The following CHD6 variants were observed in gnomAD, a reference collection of about 807,000 sequenced individuals.
CHD6 encodes the protein chromodomain helicase DNA binding protein 6, also known as ATP-dependent chromatin remodeler CHD6.
A neutral mutation model predicts 276.9 loss-of-function variants in CHD6; 50 were observed. That is an observed-to-expected ratio of 0.18 (90% CI 0.14 to 0.23). CHD6 has a LOEUF of 0.23. Ranked by LOEUF, CHD6 falls within the 10% of genes least tolerant of loss-of-function variation. The pLI, the probability that CHD6 is intolerant of heterozygous loss-of-function variation, is 1.00. For missense variants in CHD6, 2,564 were observed against 3,365.8 expected (o/e 0.76, Z 5.89); for synonymous variants, 1,173 against 1,229.3 (o/e 0.95, Z 0.96).
chr20:41,531,380 G>C (rs1390006097), intron 3 of CHD6, among the ~76,000 whole-genome samples: 1 of 152,094 alleles, frequency 6.6e-6, no homozygotes, highest in Non-Finnish European at 1.5e-5. Context: ...GCTCATGTCT[G>C]ATCCTCCTTC....
chr20:41,483,570 G>C, intron 15 of CHD6, 51 bp from the exon 16 acceptor site: 1 of 1,337,900 alleles, frequency 7.5e-7, no homozygotes, highest in Non-Finnish European at 1.0e-6. Flanking sequence ...TAAGGATAAA[G>C]GTTGTACTCT....
Position 41,409,253 on chromosome 20 carries a change from G to A in CHD6, c.7251+2891C>T, listed in dbSNP as rs563787818. Among the ~76,000 whole-genome samples, 8 of 152,310 alleles carry A rather than the reference G, an allele frequency of 5.3e-5. 1 individual carries two copies. The South Asian group carries it at 1.7e-3, about 32-fold the overall frequency. ...CTCCAGTCAGGTGCCCCTCCCAGCA[G>A]CGCGGCGACCACACACAGCGGCCAG... On this transcript the variant is annotated intron_variant, in intron 36 of 36. Transcript: ENST00000373233.
At position 41,535,079 on chromosome 20, in the gene CHD6, A is replaced by G. The variant is rs139395976; in HGVS notation, c.34-1509T>C. Among the ~76,000 whole-genome samples the G allele has an allele frequency of 5.3e-4, 81 of 152,256 alleles. No homozygotes were observed. The East Asian group carries it at 0.012, about 23-fold the overall frequency. ...TCACAGGTTTCTTAGGCTTTCAAAG[A>G]TAACATAAAAGATCTACTCCCACCG... On this transcript the variant is annotated intron_variant, in intron 2 of 36. Coordinates refer to ENST00000373233, the MANE Select transcript of CHD6 (RefSeq NM_032221.5).
In CHD6 at chr20:41,417,126, A is replaced by C. The variant is rs190797108; in HGVS notation, c.6279+72T>G. On this transcript the variant is annotated intron_variant, in intron 32 of 36. Transcript: ENST00000373233. ...GTTTCTTGTTCAGAACTATTTCTAA[A>C]AGGGTTAAAAAAAGCAATTCAAAGC... is the stretch of plus-strand genomic sequence containing the variant. 2.0e-5 allele frequency: 28 copies of C among 1,371,684 alleles called. No individual in the cohort carries two copies. In the African/African-American group the frequency reaches 3.8e-4, roughly 19 times the overall value. 85.0% of individuals were successfully genotyped at this position (1,371,684 alleles called of 1,614,324 possible).
intron 1 of CHD6, among the ~76,000 whole-genome samples, chr20:41,557,937 A>G (rs2045258529): frequency 6.6e-6 from 1 of 152,184 alleles, no homozygotes; most frequent in Non-Finnish European, 1.5e-5. Context: ...CACTCTAACA[A>G]CAGCAGGCAT....
At chr20:41,415,080 G>A (rs2046951966) in intron 34 of CHD6, 106 bp downstream of exon 34, 7 of 1,488,624 alleles carry the variant, frequency 4.7e-6, no homozygotes, top group Admixed American at 2.3e-5. Context: ...CAGGACAACC[G>A]AAATAGAGAT....
intron 8 of CHD6, 197 bp downstream of exon 8, chr20:41,497,187 G>A (rs2043708658): frequency 1.8e-6 from 1 of 557,612 alleles, no homozygotes; most frequent in East Asian, 3.1e-5. Flanking sequence ...AGTTTATAAG[G>A]TTTGATCCTT....
intron 27 of CHD6, among the ~76,000 whole-genome samples, chr20:41,431,957 G>A (rs1207441400): frequency 2.0e-5 from 3 of 151,788 alleles, no homozygotes; most frequent in African/African-American, 4.8e-5. Context: ...TCAGGAGTTC[G>A]AGACCAGCCT....
intron 5 of CHD6, among the ~76,000 whole-genome samples, chr20:41,499,661 T>C (rs921322007): frequency 5.3e-5 from 8 of 152,202 alleles, no homozygotes; most frequent in African/African-American, 1.7e-4. Context: ...TTTGCAAAAC[T>C]ACCTACATGT....
intron 3 of CHD6, among the ~76,000 whole-genome samples, chr20:41,523,263 T>C (rs1438804241): frequency 6.6e-6 from 1 of 152,130 alleles, no homozygotes; most frequent in African/African-American, 2.4e-5. Context: ...AAAGGCCTAA[T>C]ACTCCCACCA....
intron 31 of CHD6, among the ~76,000 whole-genome samples, chr20:41,418,094 G>A (rs1157107944): frequency 6.6e-6 from 1 of 152,174 alleles, no homozygotes; most frequent in African/African-American, 2.4e-5. Context: ...TTCTCAATGT[G>A]CAACAAGTCT....
chr20:41,441,408 C>T (rs1418035653), intron 25 of CHD6, among the ~76,000 whole-genome samples: 1 of 152,146 alleles, frequency 6.6e-6, no homozygotes, highest in Admixed American at 6.5e-5. Context: ...ACAGAAAATT[C>T]CCCAATACTC....
intron 32 of CHD6, 139 bp from the exon 33 acceptor site, chr20:41,416,933 G>C (rs742433): frequency 0.22 from 174,616 of 779,292 alleles, 25,429 homozygotes; most frequent in East Asian, 0.56. Context: ...ACTTTATAAG[G>C]CTTAAAATAA....
intron 19 of CHD6, 148 bp downstream of exon 19, chr20:41,455,652 A>G (rs1022613356): frequency 1.8e-5 from 10 of 570,136 alleles, no homozygotes; most frequent in Admixed American, 6.0e-5. Context: ...CTAAGGATCT[A>G]TATCTTTAGA....
At position 41,504,403 on chromosome 20, in the gene CHD6, CTTTTTTTTTTTTTTT is replaced by C. The variant is rs200549678; in HGVS notation, c.853-5061_853-5047del. On this transcript the variant is annotated intron_variant, in intron 5 of 36. Coordinates refer to ENST00000373233, the MANE Select transcript of CHD6 (RefSeq NM_032221.5). ...TCTTGTCCATCTTTTCCTCTATTTT[CTTTTTTTTTTTTTTT>C]TTTTTTTTAGACAGGATCTCACTCT... is the stretch of plus-strand genomic sequence containing the variant. 2.7e-5 allele frequency among the ~76,000 whole-genome samples: 3 copies of C among 109,966 alleles called. No individual in the cohort carries two copies. The East Asian group carries it at 8.2e-4, about 30-fold the overall frequency. The allele number at this position is 109,966 out of a possible 152,430, so 72.1% of individuals were successfully genotyped here.
chr20:41,480,699 TA>T (rs1189645489), intron 16 of CHD6, among the ~76,000 whole-genome samples: 1 of 152,140 alleles, frequency 6.6e-6, no homozygotes, highest in African/African-American at 2.4e-5. Context: ...ATTATTTAGA[TA>T]CAGCTATAAA....
At chr20:41,541,241 T>C (rs1286612926) in intron 2 of CHD6, among the ~76,000 whole-genome samples, 2 of 152,118 alleles carry the variant, frequency 1.3e-5, no homozygotes, top group Non-Finnish European at 2.9e-5. Context: ...CTCATAATGG[T>C]TTGATTTATG....
chr20:41,452,520 T>C lies in CHD6; in HGVS notation c.3323+220A>G, dbSNP rs2048268499. Among the ~76,000 whole-genome samples the C allele has an allele frequency of 1.3e-5, 2 of 152,166 alleles. No homozygotes were observed. The highest frequency in any genetic ancestry group is 1.3e-4 in the Admixed American group (2 of 15,274). On this transcript the variant is annotated intron_variant, in intron 21 of 36. Coordinates refer to ENST00000373233, the MANE Select transcript of CHD6 (RefSeq NM_032221.5). This position sits in a 1 kb window ranked among gnomAD's most constrained non-coding sequence, Gnocchi z 4.2. ...GACCAGAGATTTGTTGTGACAGGCATATGAGAAAATCATGGCATGTCTGCA... is the reference window on the plus strand; with the variant it reads ...GACCAGAGATTTGTTGTGACAGGCACATGAGAAAATCATGGCATGTCTGCA...
At chr20:41,598,645 C>T (rs1290719355) in intron 1 of CHD6, among the ~76,000 whole-genome samples, 1 of 152,156 alleles carries the variant, frequency 6.6e-6, no homozygotes, top group Non-Finnish European at 1.5e-5. Flanking sequence ...TGCGGGTCAG[C>T]CCCCAAGGGC....
Sources: gnomAD v4.1 joint callset for allele counts (sites outside exome capture counted in the v4.1 genomes callset) on GRCh38, gnomAD v4.1.1 for gene constraint, Gnocchi (gnomAD v3.1) non-coding constraint, MANE v1.5 for transcripts, NCBI Gene and HGNC (gene_info 2026-07-23, HGNC 2026-07-21) for gene names.